The following VAV1 variants were observed in gnomAD, a reference collection of about 807,000 sequenced individuals.
VAV1 encodes the protein proto-oncogene vav.
Under a neutral mutation model 128.1 loss-of-function variants are expected in VAV1, and 33 were observed. The observed-to-expected ratio is 0.26, with a 90% CI of 0.20 to 0.34. The LOEUF (loss-of-function observed/expected upper bound fraction) is 0.34. VAV1 is among the 10% of genes least tolerant of loss of function. The probability of loss-of-function intolerance (pLI) is 1.00; values close to 1 mark genes in which losing one functional copy is unlikely to be tolerated. For missense variants in VAV1, 715 were observed against 1,093.7 expected (o/e 0.65, Z 4.88); for synonymous variants, 394 against 409.8 (o/e 0.96, Z 0.47).
Position 6,822,364 on chromosome 19 carries a change from G to A in VAV1, c.558+35G>A. The A allele has an allele frequency of 6.4e-7, 1 of 1,552,462 alleles. No homozygotes were observed. Among genetic ancestry groups the A allele is most frequent in the Non-Finnish European group, 8.7e-7 (1 of 1,148,030 alleles). ...GTGGAGGGTCGGGCCTGGGGAGGGC[G>A]TGGGCGGGGGGCAGCCCCAGGCCCC... is the stretch of plus-strand genomic sequence containing the variant. On this transcript the variant is annotated intron_variant, in intron 5 of 26. Coordinates refer to ENST00000602142, the MANE Select transcript of VAV1 (RefSeq NM_005428.4). This position sits in a 1 kb window ranked among gnomAD's most constrained non-coding sequence, Gnocchi z 5.9.
At chr19:6,800,133 T>C (rs1358706586) in intron 1 of VAV1, among the ~76,000 whole-genome samples, 2 of 151,576 alleles carry the variant, frequency 1.3e-5, no homozygotes, top group African/African-American at 4.9e-5. Flanking sequence ...CTCTGTTTCT[T>C]AATTTTTTTT....
intron 14 of VAV1, among the ~76,000 whole-genome samples, 153 bp downstream of exon 14, chr19:6,830,071 G>GT (rs1358401542): frequency 5.3e-5 from 8 of 152,162 alleles, no homozygotes; most frequent in East Asian, 3.9e-4. Context: ...GTTTTGTTCT[G>GT]TTTTTTAAGA....
At chr19:6,830,358 T>C (rs1972026768) in intron 14 of VAV1, among the ~76,000 whole-genome samples, 2 of 151,762 alleles carry the variant, frequency 1.3e-5, no homozygotes, top group South Asian at 2.1e-4. Flanking sequence ...CAACAGTTTT[T>C]AAATTGAGCA....
At chr19:6,830,915 C>T (rs1972039523) in intron 14 of VAV1, among the ~76,000 whole-genome samples, 1 of 151,880 alleles carries the variant, frequency 6.6e-6, no homozygotes, top group Admixed American at 6.6e-5. Context: ...TAGGGAGATC[C>T]CCGTCTCTAC....
intron 1 of VAV1, among the ~76,000 whole-genome samples, chr19:6,785,661 C>CTTTTT (rs754577854): frequency 7.8e-6 from 1 of 128,506 alleles, no homozygotes; most frequent in Non-Finnish European, 1.7e-5. Context: ...TTCTTTCTTT[C>CTTTTT]TTTTTTTTTT....
chr19:6,785,874 G>T (rs1309444729), intron 1 of VAV1, among the ~76,000 whole-genome samples: 1 of 151,812 alleles, frequency 6.6e-6, no homozygotes, highest in East Asian at 1.9e-4. Flanking sequence ...TGGCCAGCTG[G>T]TCTTGAACTC....
intron 21 of VAV1, among the ~76,000 whole-genome samples, chr19:6,839,622 G>A (rs549469920): frequency 8.5e-5 from 13 of 152,140 alleles, no homozygotes; most frequent in African/African-American, 1.9e-4. Context: ...AGGTAGAGGC[G>A]GTGATTCCTC....
At chr19:6,817,333 C>T (rs865997120) in intron 1 of VAV1, among the ~76,000 whole-genome samples, 16 of 151,750 alleles carry the variant, frequency 1.1e-4, no homozygotes, top group South Asian at 1.0e-3. Context: ...CAAAGTGCTG[C>T]GATTACAGGG....
At chr19:6,851,056 A>ATATG (rs905058640) in intron 24 of VAV1, among the ~76,000 whole-genome samples, 2 of 152,108 alleles carry the variant, frequency 1.3e-5, no homozygotes, top group African/African-American at 2.4e-5. Flanking sequence ...ATATACATAC[A>ATATG]TATGTATGTA....
chr19:6,851,481 C>G (rs961510312), intron 24 of VAV1, among the ~76,000 whole-genome samples: 1 of 152,074 alleles, frequency 6.6e-6, no homozygotes, highest in Non-Finnish European at 1.5e-5. Context: ...TGCATTCAGC[C>G]CTCAAATATG....
At chr19:6,784,661 T>C (rs2070173224) in intron 1 of VAV1, among the ~76,000 whole-genome samples, 1 of 152,048 alleles carries the variant, frequency 6.6e-6, no homozygotes, top group South Asian at 2.1e-4. Context: ...ACCTAGCTGA[T>C]TTTTGTATTT....
chr19:6,797,558 C>G (rs1338695426), intron 1 of VAV1, among the ~76,000 whole-genome samples: 2 of 151,916 alleles, frequency 1.3e-5, no homozygotes, highest in African/African-American at 4.8e-5. Flanking sequence ...GCAAAATTAG[C>G]TGGGCGTGGT....
intron 1 of VAV1, among the ~76,000 whole-genome samples, chr19:6,808,888 GGA>G (rs1170100636): frequency 2.6e-5 from 4 of 152,144 alleles, no homozygotes; most frequent in Admixed American, 2.6e-4. Context: ...GATTAGTATA[GGA>G]TACCTTTAGC....
At chr19:6,794,308 G>C (rs1243959417) in intron 1 of VAV1, among the ~76,000 whole-genome samples, 1 of 152,152 alleles carries the variant, frequency 6.6e-6, no homozygotes, top group Non-Finnish European at 1.5e-5. Flanking sequence ...GGTTGTAACA[G>C]CATAGAAACA....
intron 1 of VAV1, among the ~76,000 whole-genome samples, chr19:6,796,341 G>A (rs1055922347): frequency 4.2e-4 from 59 of 139,146 alleles, no homozygotes; most frequent in Non-Finnish European, 5.2e-4. Context: ...GGCAGAATAT[G>A]GGGTGCTTGG....
chr19:6,815,057 G>T (rs1425103849), intron 1 of VAV1, among the ~76,000 whole-genome samples: 2 of 151,870 alleles, frequency 1.3e-5, no homozygotes, highest in Non-Finnish European at 2.9e-5. Context: ...ACAGGTCTTG[G>T]GTCAGAGCCT....
In VAV1 at chr19:6,833,719, G is replaced by T; in HGVS notation, c.1717G>T (p.Gly573Ter). 3 of 1,614,140 alleles carry T rather than the reference G, an allele frequency of 1.9e-6. No homozygotes were observed. The highest frequency in any genetic ancestry group is 2.5e-6 in the Non-Finnish European group (3 of 1,180,032). ...CCTTTACCCTCCCGTAGATTTCCCA[G>T]GAACTATGAAGAAGGTAAGACTTTC... ...PCGRHGQDFP[G>*]TMKKDKLHRR... is the part of the protein sequence containing the mutation. The change falls in exon 18 of 27, where the codon GGA (glycine) becomes TGA (stop). Residue 573 changes from glycine to a stop codon, truncating the protein, a stop_gained. Coordinates refer to ENST00000602142, the MANE Select transcript of VAV1 (RefSeq NM_005428.4). LOFTEE classifies it high-confidence loss of function.
In VAV1 at chr19:6,833,513, T is replaced by C. The variant is rs150857750; in HGVS notation, c.1611-15T>C. On this transcript the variant is annotated splice_polypyrimidine_tract_variant and intron_variant, in intron 16 of 26. Coordinates refer to ENST00000602142, the MANE Select transcript of VAV1 (RefSeq NM_005428.4). Reference sequence around the variant, plus strand: ...AAGGTCACTCGCTCTTCTTTATGTGTTCCCTGCATCTCAGAGGTACCTTCT... The same window carrying C: ...AAGGTCACTCGCTCTTCTTTATGTGCTCCCTGCATCTCAGAGGTACCTTCT... 2.5e-6 allele frequency: 4 copies of C among 1,585,610 alleles called. No homozygotes were observed. In the African/African-American group the frequency reaches 4.1e-5, roughly 16 times the overall value.
intron 26 of VAV1, 140 bp downstream of exon 26, chr19:6,854,238 G>A: frequency 1.7e-6 from 2 of 1,165,158 alleles, no homozygotes; most frequent in South Asian, 1.5e-5. Context: ...AGGGACACAG[G>A]GATGTCATTT....
Sources: allele counts gnomAD v4.1 joint callset (sites outside exome capture counted in the v4.1 genomes callset), GRCh38; gene constraint gnomAD v4.1.1; non-coding constraint Gnocchi (gnomAD v3.1); transcripts MANE v1.5; gene names NCBI Gene and HGNC (gene_info 2026-07-23, HGNC 2026-07-21).